Variants in CSMD1 observed in about 807,000 individuals in gnomAD.
CSMD1 encodes CUB and sushi domain-containing protein 1.
In CSMD1, 213 loss-of-function variants were observed where a neutral mutation model predicts 417.5. The observed-to-expected ratio is 0.51, with a 90% CI of 0.46 to 0.57. The LOEUF (loss-of-function observed/expected upper bound fraction) is 0.57. Among genes scored for constraint, CSMD1 ranks in the 20% least tolerant of loss-of-function variants. The pLI, the probability that CSMD1 is intolerant of heterozygous loss-of-function variation, is 0.00. For missense variants in CSMD1, 6,923 were observed against 4,529.7 expected (o/e 1.53, Z -15.17); for synonymous variants, 2,862 against 1,736.8 (o/e 1.65, Z -16.11).
At chr8:4,410,314 C>T (rs978860378) in intron 3 of CSMD1, among the ~76,000 whole-genome samples, 7 of 152,208 alleles carry the variant, frequency 4.6e-5, no homozygotes, top group African/African-American at 1.7e-4. Flanking sequence ...AGCGCTTAGT[C>T]ACCAGCACAA....
intron 3 of CSMD1, among the ~76,000 whole-genome samples, chr8:4,390,835 C>G (rs767947927): frequency 6.6e-6 from 1 of 152,106 alleles, no homozygotes; most frequent in Non-Finnish European, 1.5e-5. Flanking sequence ...GCCACCATGC[C>G]CGGCCAAAAG....
intron 5 of CSMD1, among the ~76,000 whole-genome samples, chr8:3,814,566 C>A (rs1035197621): frequency 3.3e-5 from 5 of 152,272 alleles, no homozygotes; most frequent in Admixed American, 3.3e-4. Context: ...AGGGTGGATA[C>A]CACTTGCACC....
intron 23 of CSMD1, among the ~76,000 whole-genome samples, chr8:3,315,558 A>C (rs1805695176): frequency 6.6e-6 from 1 of 151,974 alleles, no homozygotes; most frequent in Non-Finnish European, 1.5e-5. Context: ...ATTTTCATTT[A>C]ATTCATTCAA....
chr8:4,795,239 G>C (rs975348426), intron 1 of CSMD1, among the ~76,000 whole-genome samples: 2 of 124,718 alleles, frequency 1.6e-5, no homozygotes, highest in East Asian at 4.9e-4. Flanking sequence ...TTCTAGGTCT[G>C]CTGGTGTCAT....
intron 7 of CSMD1, among the ~76,000 whole-genome samples, chr8:3,629,032 A>C (rs1371042734): frequency 2.0e-5 from 3 of 152,182 alleles, no homozygotes; most frequent in Non-Finnish European, 4.4e-5. Context: ...CCTTTGCTTC[A>C]AGGAATTCCA....
intron 10 of CSMD1, among the ~76,000 whole-genome samples, chr8:3,558,940 A>G (rs1563153546): frequency 6.6e-6 from 1 of 152,192 alleles, no homozygotes; most frequent in African/African-American, 2.4e-5. Flanking sequence ...TCGAGGTCCC[A>G]GAGTAGCCCA....
chr8:4,453,197 CCACACAGACA>C (rs1262600775), intron 2 of CSMD1, among the ~76,000 whole-genome samples: 5 of 133,796 alleles, frequency 3.7e-5, no homozygotes, highest in Admixed American at 2.4e-4. Flanking sequence ...ACAGACACAC[CCACACAGACA>C]CACACAGAGA....
intron 3 of CSMD1, among the ~76,000 whole-genome samples, chr8:4,233,088 C>T (rs1050261576): frequency 5.9e-5 from 9 of 152,164 alleles, no homozygotes; most frequent in African/African-American, 1.7e-4. Flanking sequence ...TGTGCACTGG[C>T]ACTGAACTGC....
chr8:4,776,029 G>A (rs535956322), intron 1 of CSMD1, among the ~76,000 whole-genome samples: 1 of 152,144 alleles, frequency 6.6e-6, no homozygotes, highest in South Asian at 2.1e-4. Context: ...CTTGAGGGCA[G>A]TTTGACAAAT....
chr8:3,784,341 T>A (rs1382639450), intron 5 of CSMD1, among the ~76,000 whole-genome samples: 1 of 152,218 alleles, frequency 6.6e-6, no homozygotes, highest in African/African-American at 2.4e-5. Flanking sequence ...AATTAAAAGT[T>A]GTTCTATTGA....
chr8:3,683,203 T>C (rs1334020771), intron 7 of CSMD1, among the ~76,000 whole-genome samples: 2 of 151,270 alleles, frequency 1.3e-5, no homozygotes, highest in African/African-American at 4.8e-5. Flanking sequence ...GAAATATACA[T>C]ATAAATATAT....
At chr8:4,317,110 T>G (rs1798978717) in intron 3 of CSMD1, among the ~76,000 whole-genome samples, 1 of 152,170 alleles carries the variant, frequency 6.6e-6, no homozygotes, top group Non-Finnish European at 1.5e-5. Context: ...GGTTTCCAAC[T>G]GGCCAAGCAC....
In CSMD1 at chr8:3,813,568, C is replaced by T. The variant is rs11989694; in HGVS notation, c.819-59526G>A. ...TAACACAACGTAGGAGTCTATAACA[C>T]AATTTAACAAGAATTTTAAGATATT... is the stretch of plus-strand genomic sequence containing the variant. On this transcript the variant is annotated intron_variant, in intron 5 of 69. Coordinates refer to ENST00000635120, the MANE Select transcript of CSMD1 (RefSeq NM_033225.6). Among the ~76,000 whole-genome samples, 18 of 152,228 alleles carry T rather than the reference C, an allele frequency of 1.2e-4. 1 individual carries two copies. Among genetic ancestry groups the T allele is most frequent in the African/African-American group, 4.1e-4 (17 of 41,544 alleles).
intron 3 of CSMD1, among the ~76,000 whole-genome samples, chr8:4,369,446 G>C (rs983427824): frequency 6.6e-6 from 1 of 152,136 alleles, no homozygotes; most frequent in African/African-American, 2.4e-5. Context: ...TTTTATAGAT[G>C]TCTCTGACGT....
At chr8:3,026,642 C>T (rs1809953423) in intron 51 of CSMD1, among the ~76,000 whole-genome samples, 1 of 152,212 alleles carries the variant, frequency 6.6e-6, no homozygotes, top group Non-Finnish European at 1.5e-5. Context: ...CCTGTCAACA[C>T]CGTGAACTCT....
intron 1 of CSMD1, among the ~76,000 whole-genome samples, chr8:4,739,123 T>C (rs1810437619): frequency 6.6e-6 from 1 of 152,224 alleles, no homozygotes; most frequent in South Asian, 2.1e-4. Context: ...CACACATACA[T>C]GTGAACATAC....
intron 12 of CSMD1, among the ~76,000 whole-genome samples, chr8:3,420,863 A>G (rs1481834611): frequency 3.3e-5 from 5 of 152,124 alleles, no homozygotes; most frequent in Non-Finnish European, 7.3e-5. Context: ...ATTAAAAATA[A>G]TAAGTAAAAT....
At chr8:4,687,945 C>T (rs914748515) in intron 1 of CSMD1, among the ~76,000 whole-genome samples, 1 of 152,154 alleles carries the variant, frequency 6.6e-6, no homozygotes, top group African/African-American at 2.4e-5. Flanking sequence ...CTTTCACATC[C>T]TAGACATTTA....
rs201707386 is a variant in CSMD1 at position 3,112,299 on chromosome 8, T to C, written c.6431-1964A>G. Among the ~76,000 whole-genome samples, 4 of 152,320 alleles carry C rather than the reference T, an allele frequency of 2.6e-5. No homozygotes were observed. In the East Asian group the frequency reaches 7.7e-4, roughly 29 times the overall value. ...GTGACTCCGTGCTAGTAATTTAGTG[T>C]GGACTTACAATGCTAAGGTTTCCCT... On this transcript the variant is annotated intron_variant, in intron 42 of 69. Transcript: ENST00000635120.
Sources: gnomAD v4.1 joint callset for allele counts (sites outside exome capture counted in the v4.1 genomes callset) on GRCh38, gnomAD v4.1.1 for gene constraint, MANE v1.5 for transcripts, NCBI Gene and HGNC (gene_info 2026-07-23, HGNC 2026-07-21) for gene names.